Variants in FER1L6 observed in about 807,000 individuals in gnomAD.
FER1L6 encodes fer-1-like protein 6.
In FER1L6, 177 loss-of-function variants were observed where a neutral mutation model predicts 219.2. That is an observed-to-expected ratio of 0.81 (90% CI 0.71 to 0.91). FER1L6 has a LOEUF of 0.91. FER1L6 is among the 40% of genes least tolerant of loss of function. FER1L6 has a pLI of 0.00. For missense variants in FER1L6, 2,153 were observed against 2,259.9 expected (o/e 0.95, Z 0.96); for synonymous variants, 768 against 824.3 (o/e 0.93, Z 1.17).
chr8:124,113,703 GA>G (rs1404986324), intron 39 of FER1L6, among the ~76,000 whole-genome samples: 6 of 152,268 alleles, frequency 3.9e-5, no homozygotes, highest in African/African-American at 1.4e-4. Flanking sequence ...ACTATTTGAT[GA>G]GACTAGGCTT....
intron 20 of FER1L6, among the ~76,000 whole-genome samples, chr8:124,042,480 G>A (rs571672753): frequency 3.9e-5 from 6 of 152,212 alleles, no homozygotes; most frequent in African/African-American, 7.2e-5. Flanking sequence ...GGTAAGGCTC[G>A]GAAGCGATAT....
At chr8:123,872,424 T>G (rs762431990) in intron 1 of FER1L6, among the ~76,000 whole-genome samples, 1 of 152,114 alleles carries the variant, frequency 6.6e-6, no homozygotes, top group Non-Finnish European at 1.5e-5. Flanking sequence ...AAAAACGAAG[T>G]CTGAGAAATG....
chr8:124,079,847 G>A (rs1821462390), intron 32 of FER1L6, among the ~76,000 whole-genome samples: 1 of 152,138 alleles, frequency 6.6e-6, no homozygotes, highest in Non-Finnish European at 1.5e-5. Flanking sequence ...TCTGGAGCAG[G>A]GAGAATTCCC....
intron 1 of FER1L6, among the ~76,000 whole-genome samples, chr8:123,940,819 C>CA (rs1814210808): frequency 6.6e-6 from 1 of 152,128 alleles, no homozygotes; most frequent in African/African-American, 2.4e-5. Flanking sequence ...TAAGTTTTAC[C>CA]AAATCATCCT....
intron 1 of FER1L6, among the ~76,000 whole-genome samples, chr8:123,908,882 G>T (rs1813003161): frequency 6.6e-6 from 1 of 152,174 alleles, no homozygotes; most frequent in South Asian, 2.1e-4. Flanking sequence ...ATTTTGGATG[G>T]TAAGAACGTA....
chr8:124,045,057 T>TTA (rs1819667221), intron 20 of FER1L6, among the ~76,000 whole-genome samples: 1 of 152,212 alleles, frequency 6.6e-6, no homozygotes, highest in African/African-American at 2.4e-5. Context: ...CTTGATCTAT[T>TTA]TAATTCAGTC....
intron 13 of FER1L6, among the ~76,000 whole-genome samples, chr8:124,004,743 A>T (rs1340627359): frequency 2.0e-5 from 3 of 152,168 alleles, no homozygotes; most frequent in Non-Finnish European, 4.4e-5. Context: ...TCATGCGTGT[A>T]ATCCCAGCAC....
Position 124,025,688 on chromosome 8 carries a change from A to G in FER1L6, c.2286+2092A>G, listed in dbSNP as rs1392989753. Among the ~76,000 whole-genome samples, 3 of 152,138 alleles carry G rather than the reference A, an allele frequency of 2.0e-5. No homozygotes were observed. In the East Asian group the frequency reaches 5.8e-4, roughly 29 times the overall value. On this transcript the variant is annotated intron_variant, in intron 18 of 40. Coordinates refer to ENST00000522917, the MANE Select transcript of FER1L6 (RefSeq NM_001039112.2). ...TTTTTGGCTCCATATGAATTTTAGG[A>G]TAGTTTTTTCTAATTCTGTAAAAAA...
At chr8:123,921,220 G>T (rs79602861) in intron 1 of FER1L6, among the ~76,000 whole-genome samples, 42 of 152,248 alleles carry the variant, frequency 2.8e-4, no homozygotes, top group Non-Finnish European at 5.3e-4. Flanking sequence ...GTATTGCTGG[G>T]TCACGTGGTA....
intron 1 of FER1L6, among the ~76,000 whole-genome samples, chr8:123,867,146 A>G (rs1271665105): frequency 6.6e-6 from 1 of 152,038 alleles, no homozygotes; most frequent in African/African-American, 2.4e-5. Context: ...GCCTAGACCA[A>G]TGTTGTGGAG....
At chr8:124,100,673 C>G (rs1822510220) in intron 37 of FER1L6, among the ~76,000 whole-genome samples, 1 of 152,168 alleles carries the variant, frequency 6.6e-6, no homozygotes, top group Non-Finnish European at 1.5e-5. Flanking sequence ...TGCCTGACAG[C>G]ACAGGTCTAC....
chr8:124,051,667 C>T (rs1476587913), intron 22 of FER1L6, among the ~76,000 whole-genome samples: 3 of 152,080 alleles, frequency 2.0e-5, no homozygotes, highest in South Asian at 4.2e-4. Context: ...CTCAATATGG[C>T]GAGTGAGAGC....
chr8:124,109,156 C>T (rs754677970), intron 39 of FER1L6, among the ~76,000 whole-genome samples: 13 of 152,120 alleles, frequency 8.5e-5, no homozygotes, highest in Non-Finnish European at 1.3e-4. Flanking sequence ...GAGAGATACA[C>T]GTCCAATAAA....
chr8:124,044,530 G>A (rs935544610), intron 20 of FER1L6, among the ~76,000 whole-genome samples: 1 of 152,212 alleles, frequency 6.6e-6, no homozygotes, highest in Non-Finnish European at 1.5e-5. Flanking sequence ...GTTGATACGA[G>A]TTTTGGAGTC....
At chr8:124,063,007 T>G (rs1820657554) in intron 25 of FER1L6, among the ~76,000 whole-genome samples, 1 of 152,238 alleles carries the variant, frequency 6.6e-6, no homozygotes, top group African/African-American at 2.4e-5. Context: ...TTTGCTACCC[T>G]GTGGACACAA....
intron 22 of FER1L6, among the ~76,000 whole-genome samples, chr8:124,055,259 C>T (rs547366241): frequency 7.2e-5 from 11 of 152,076 alleles, no homozygotes; most frequent in African/African-American, 2.4e-5. Flanking sequence ...GGCGATATGG[C>T]GAGACCACAT....
At chr8:123,918,464 T>C (rs145209894) in intron 1 of FER1L6, among the ~76,000 whole-genome samples, 73 of 152,370 alleles carry the variant, frequency 4.8e-4, no homozygotes, top group Non-Finnish European at 8.5e-4. Flanking sequence ...TTCAGCTTTG[T>C]CTATGTGCAA....
chr8:123,888,008 A>G (rs1432544178), intron 1 of FER1L6, among the ~76,000 whole-genome samples: 1 of 152,164 alleles, frequency 6.6e-6, no homozygotes, highest in Non-Finnish European at 1.5e-5. Flanking sequence ...TTCAAGTTAG[A>G]CATTCTTGGG....
intron 33 of FER1L6, among the ~76,000 whole-genome samples, chr8:124,087,247 T>C (rs962716940): frequency 6.6e-6 from 1 of 152,156 alleles, no homozygotes; most frequent in Non-Finnish European, 1.5e-5. Flanking sequence ...TTTCTAGATC[T>C]TGTAGGCATG....
Sources: gnomAD v4.1 joint callset for allele counts (sites outside exome capture counted in the v4.1 genomes callset) on GRCh38, gnomAD v4.1.1 for gene constraint, MANE v1.5 for transcripts, NCBI Gene and HGNC (gene_info 2026-07-23, HGNC 2026-07-21) for gene names.